Variants in IL1RAPL2 observed in about 807,000 individuals in gnomAD.
The protein encoded by IL1RAPL2 is interleukin 1 receptor accessory protein like 2, also known as X-linked interleukin-1 receptor accessory protein-like 2.
A neutral mutation model predicts 44.1 loss-of-function variants in IL1RAPL2; 3 were observed. The observed-to-expected ratio is 0.07, with a 90% CI of 0.03 to 0.18. The LOEUF is 0.18. Among genes scored for constraint, IL1RAPL2 ranks in the 10% least tolerant of loss-of-function variants. The pLI, the probability that IL1RAPL2 is intolerant of heterozygous loss-of-function variation, is 1.00. For synonymous variants in IL1RAPL2, 181 were observed against 178.8 expected (o/e 1.01, Z -0.10); for missense variants, 391 against 496.4 (o/e 0.79, Z 2.02).
chrX:105,041,931 C>A (rs2031749709), intron 2 of IL1RAPL2, among the ~76,000 whole-genome samples: 1 of 110,744 alleles, frequency 9.0e-6, no homozygotes, highest in Admixed American at 9.7e-5. Context: ...CGCATATCTA[C>A]AATTATCTGA....
intron 5 of IL1RAPL2, among the ~76,000 whole-genome samples, chrX:105,333,430 A>G (rs2035003039): frequency 8.9e-6 from 1 of 111,816 alleles, no homozygotes; most frequent in Non-Finnish European, 1.9e-5. Flanking sequence ...AACGTTGGGA[A>G]AACTCTCCAG....
intron 6 of IL1RAPL2, among the ~76,000 whole-genome samples, chrX:105,711,112 G>T (rs2038206797): frequency 9.1e-6 from 1 of 109,795 alleles, no homozygotes. Flanking sequence ...CTGGCTTTCA[G>T]CTTTTTCCTT....
intron 2 of IL1RAPL2, among the ~76,000 whole-genome samples, chrX:104,721,319 T>G (rs907625128): frequency 1.8e-5 from 2 of 111,311 alleles, no homozygotes; most frequent in Non-Finnish European, 3.8e-5. Context: ...GAAGGCATGG[T>G]GCATATACAC....
chrX:105,610,002 A>G (rs2037323930), intron 6 of IL1RAPL2, among the ~76,000 whole-genome samples: 1 of 111,804 alleles, frequency 8.9e-6, no homozygotes, highest in African/African-American at 3.3e-5. Context: ...AAATTCATGG[A>G]GTTATTTTTA....
intron 2 of IL1RAPL2, among the ~76,000 whole-genome samples, chrX:105,156,204 C>T (rs1163095277): frequency 8.9e-6 from 1 of 111,775 alleles, no homozygotes; most frequent in Non-Finnish European, 1.9e-5. Flanking sequence ...TAGACCCATA[C>T]TAGTTGTTAA....
At chrX:104,784,328 A>C (rs139925190) in intron 2 of IL1RAPL2, among the ~76,000 whole-genome samples, 5 of 111,419 alleles carry the variant, frequency 4.5e-5, no homozygotes, top group African/African-American at 1.6e-4. Context: ...AATTAAGAGG[A>C]GGTGGGGCAG....
chrX:105,096,834 T>G (rs2032609334), intron 2 of IL1RAPL2, among the ~76,000 whole-genome samples: 1 of 112,103 alleles, frequency 8.9e-6, no homozygotes, highest in Non-Finnish European at 1.9e-5. Flanking sequence ...ACATACAAAT[T>G]TTATGTTTTA....
chrX:105,159,741 C>T (rs183917715), intron 2 of IL1RAPL2, among the ~76,000 whole-genome samples: 8 of 112,099 alleles, frequency 7.1e-5, no homozygotes, highest in Non-Finnish European at 1.1e-4. Flanking sequence ...TCCTTCTCTT[C>T]ACTCCACATA....
At chrX:105,179,250 C>A (rs1162748749) in intron 2 of IL1RAPL2, among the ~76,000 whole-genome samples, 1 of 112,130 alleles carries the variant, frequency 8.9e-6, no homozygotes, top group Non-Finnish European at 1.9e-5. Context: ...AGAGGGTGTT[C>A]TTTTCCCAAT....
intron 2 of IL1RAPL2, among the ~76,000 whole-genome samples, chrX:104,793,976 T>C (rs1226859950): frequency 8.9e-6 from 1 of 111,836 alleles, no homozygotes; most frequent in Non-Finnish European, 1.9e-5. Flanking sequence ...TTTCAGGGAC[T>C]CTGTAAAATT....
At chrX:104,767,793 T>A (rs895895870) in intron 2 of IL1RAPL2, among the ~76,000 whole-genome samples, 2 of 111,423 alleles carry the variant, frequency 1.8e-5, no homozygotes, top group African/African-American at 6.5e-5. Flanking sequence ...GCCTGTCAGC[T>A]AAGGCTGGTT....
chrX:105,372,790 G>T (rs1432214393), intron 5 of IL1RAPL2, among the ~76,000 whole-genome samples: 4 of 111,846 alleles, frequency 3.6e-5, no homozygotes, highest in Non-Finnish European at 7.5e-5. Context: ...CTCCATCCAT[G>T]TTCCTGTAAA....
At chrX:104,984,044 G>T (rs1158668957) in intron 2 of IL1RAPL2, among the ~76,000 whole-genome samples, 8 of 110,814 alleles carry the variant, frequency 7.2e-5, no homozygotes, top group Admixed American at 2.0e-4. Context: ...ACCAGGTGTT[G>T]CTGTTATTAC....
chrX:105,380,636 G>T (rs1199518656), intron 5 of IL1RAPL2, among the ~76,000 whole-genome samples: 3 of 111,459 alleles, frequency 2.7e-5, no homozygotes, highest in African/African-American at 9.8e-5. Context: ...ATCTTGTCTT[G>T]ATTTTGCCAC....
At chrX:105,296,045 C>T (rs2034652503) in intron 5 of IL1RAPL2, among the ~76,000 whole-genome samples, 1 of 111,019 alleles carries the variant, frequency 9.0e-6, no homozygotes, top group African/African-American at 3.3e-5. Context: ...ATACACTGGT[C>T]CTCAATCCAT....
At chrX:104,904,203 C>A (rs994726727) in intron 2 of IL1RAPL2, among the ~76,000 whole-genome samples, 5 of 106,125 alleles carry the variant, frequency 4.7e-5, no homozygotes, top group Admixed American at 3.1e-4. Flanking sequence ...TCTGCTCTAA[C>A]ATGGAAAGTA....
intron 1 of IL1RAPL2, among the ~76,000 whole-genome samples, chrX:104,592,757 A>G (rs184227024): frequency 1.8e-5 from 2 of 111,963 alleles, no homozygotes; most frequent in East Asian, 5.6e-4. Context: ...GGCACCATAT[A>G]TGTTTCTAGA....
At chrX:105,138,998 T>A (rs1403214337) in intron 2 of IL1RAPL2, among the ~76,000 whole-genome samples, 2 of 111,113 alleles carry the variant, frequency 1.8e-5, no homozygotes, top group Non-Finnish European at 3.8e-5. Flanking sequence ...GAGAAATAAA[T>A]CTCTCTCATA....
chrX:105,546,956 C>G (rs2036806480), intron 6 of IL1RAPL2, among the ~76,000 whole-genome samples: 1 of 111,651 alleles, frequency 9.0e-6, no homozygotes, highest in Non-Finnish European at 1.9e-5. Flanking sequence ...TATTATCCAT[C>G]TGATACTTTG....
Sources: allele counts gnomAD v4.1 joint callset (sites outside exome capture counted in the v4.1 genomes callset), GRCh38; gene constraint gnomAD v4.1.1; transcripts MANE v1.5; gene names NCBI Gene and HGNC (gene_info 2026-07-23, HGNC 2026-07-21).